TRDN: variants seen among roughly 807,000 people sequenced by gnomAD.
TRDN encodes triadin in skeletal muscle.
A neutral mutation model predicts 149.7 loss-of-function variants in TRDN; 161 were observed. The observed-to-expected ratio is 1.08, with a 90% confidence interval of 0.95 to 1.23. TRDN has a LOEUF of 1.23. Among genes scored for constraint, TRDN ranks in the 50% most tolerant of loss-of-function variants. TRDN has a pLI of 0.00. For synonymous variants in TRDN, 294 were observed against 250.5 expected (o/e 1.17, Z -1.64); for missense variants, 896 against 823.5 (o/e 1.09, Z -1.08).
chr6:123,302,717 T>C (rs959128212), intron 24 of TRDN, among the ~76,000 whole-genome samples: 1 of 152,150 alleles, frequency 6.6e-6, no homozygotes, highest in Non-Finnish European at 1.5e-5. Flanking sequence ...TTTCTGGAGA[T>C]AAGGGCAGTA....
intron 10 of TRDN, among the ~76,000 whole-genome samples, chr6:123,460,166 T>C (rs1489469588): frequency 6.6e-6 from 1 of 152,224 alleles, no homozygotes; most frequent in Non-Finnish European, 1.5e-5. Flanking sequence ...TCAGGACATG[T>C]AAAAGCTTTA....
chr6:123,388,135 T>C (rs988792744), intron 14 of TRDN, among the ~76,000 whole-genome samples: 4 of 151,642 alleles, frequency 2.6e-5, no homozygotes, highest in Non-Finnish European at 4.4e-5. Context: ...GATAAAAAGC[T>C]TAAAGCTGTG....
chr6:123,576,093 G>C (rs920688401), intron 1 of TRDN, among the ~76,000 whole-genome samples: 8 of 152,040 alleles, frequency 5.3e-5, no homozygotes, highest in Middle Eastern at 3.2e-3. Context: ...TACTACTGAT[G>C]GCATTATATG....
At chr6:123,580,702 G>T (rs1480377024) in intron 1 of TRDN, among the ~76,000 whole-genome samples, 1 of 152,132 alleles carries the variant, frequency 6.6e-6, no homozygotes, top group Non-Finnish European at 1.5e-5. Flanking sequence ...CAATCAAATA[G>T]CTGTAACTAT....
chr6:123,249,799 C>T (rs1776311636), intron 38 of TRDN, among the ~76,000 whole-genome samples: 1 of 151,994 alleles, frequency 6.6e-6, no homozygotes, highest in Non-Finnish European at 1.5e-5. Flanking sequence ...ATAGAATGTC[C>T]TAGCCGGAAC....
At chr6:123,408,707 C>T (rs1773303087) in intron 12 of TRDN, among the ~76,000 whole-genome samples, 2 of 150,936 alleles carry the variant, frequency 1.3e-5, no homozygotes. Context: ...TGTTTGGCAA[C>T]ATACGTATAT....
At chr6:123,395,630 G>T (rs1434398625) in intron 12 of TRDN, among the ~76,000 whole-genome samples, 2 of 152,084 alleles carry the variant, frequency 1.3e-5, no homozygotes, top group Non-Finnish European at 2.9e-5. Flanking sequence ...ACATGCCAAA[G>T]AAAACAGTCC....
chr6:123,293,526 C>T (rs2114655178), intron 24 of TRDN, among the ~76,000 whole-genome samples: 1 of 152,174 alleles, frequency 6.6e-6, no homozygotes, highest in African/African-American at 2.4e-5. Flanking sequence ...CAGATCACAA[C>T]ATACAAGGGA....
intron 24 of TRDN, among the ~76,000 whole-genome samples, chr6:123,286,325 A>T (rs1199428226): frequency 2.6e-5 from 4 of 152,040 alleles, no homozygotes; most frequent in Non-Finnish European, 5.9e-5. Flanking sequence ...TAGGTCGGGC[A>T]TGGTGGAATA....
chr6:123,514,857 C>T (rs529250830), intron 6 of TRDN, among the ~76,000 whole-genome samples: 1 of 151,932 alleles, frequency 6.6e-6, no homozygotes, highest in African/African-American at 2.4e-5. Flanking sequence ...TGCATGTTCT[C>T]ACTCATAAGT....
chr6:123,292,018 AT>A (rs918594721), intron 24 of TRDN, among the ~76,000 whole-genome samples: 2 of 152,018 alleles, frequency 1.3e-5, no homozygotes, highest in African/African-American at 4.8e-5. Flanking sequence ...GGGTAATCTC[AT>A]TTTGGCTTTT....
intron 12 of TRDN, among the ~76,000 whole-genome samples, chr6:123,417,015 T>C (rs1582993132): frequency 6.6e-6 from 1 of 152,210 alleles, no homozygotes; most frequent in Non-Finnish European, 1.5e-5. Context: ...CATTATTCTT[T>C]AGTACCCAGA....
chr6:123,559,197 A>C (rs1034981640), intron 2 of TRDN, among the ~76,000 whole-genome samples: 1 of 152,084 alleles, frequency 6.6e-6, no homozygotes, highest in Non-Finnish European at 1.5e-5. Flanking sequence ...TCCCCTTCTT[A>C]ATCAAAATGA....
At chr6:123,339,199 T>A (rs1779979522) in intron 21 of TRDN, among the ~76,000 whole-genome samples, 1 of 151,960 alleles carries the variant, frequency 6.6e-6, no homozygotes, top group Non-Finnish European at 1.5e-5. Context: ...GAGACAGGTT[T>A]TCACCATACT....
At chr6:123,436,830 A>C (rs1218095138) in intron 12 of TRDN, among the ~76,000 whole-genome samples, 1 of 152,114 alleles carries the variant, frequency 6.6e-6, no homozygotes, top group Admixed American at 6.6e-5. Flanking sequence ...AATAGCTGAG[A>C]GGAATTAGGT....
intron 12 of TRDN, among the ~76,000 whole-genome samples, chr6:123,405,721 A>T (rs1773167173): frequency 6.6e-6 from 1 of 152,202 alleles, no homozygotes; most frequent in Non-Finnish European, 1.5e-5. Context: ...AAAATTTAAA[A>T]AGTCAATTTA....
intron 24 of TRDN, among the ~76,000 whole-genome samples, chr6:123,294,862 CT>C (rs1159122457): frequency 1.3e-5 from 2 of 152,134 alleles, no homozygotes; most frequent in Non-Finnish European, 2.9e-5. Flanking sequence ...AAGTGTCCTG[CT>C]TCTGGCCCCT....
chr6:123,534,113 A>G (rs1279919784), intron 4 of TRDN, among the ~76,000 whole-genome samples: 1 of 152,118 alleles, frequency 6.6e-6, no homozygotes, highest in Non-Finnish European at 1.5e-5. Context: ...CATTTTTAAA[A>G]AGATACACAC....
chr6:123,603,427 GTGA>G (rs1784372153), intron 1 of TRDN, among the ~76,000 whole-genome samples: 1 of 151,716 alleles, frequency 6.6e-6, no homozygotes, highest in African/African-American at 2.4e-5. Context: ...ATTGAGGTCT[GTGA>G]TGATTTTTCA....
Sources: allele counts gnomAD v4.1 joint callset (sites outside exome capture counted in the v4.1 genomes callset), GRCh38; gene constraint gnomAD v4.1.1; transcripts MANE v1.5; gene names NCBI Gene and HGNC (gene_info 2026-07-23, HGNC 2026-07-21).